Variants in TAF3 observed in about 807,000 individuals in gnomAD.
The protein encoded by TAF3 is transcription initiation factor TFIID subunit 3.
Under a neutral mutation model 80.6 loss-of-function variants are expected in TAF3, and 7 were observed. That is an observed-to-expected ratio of 0.09 (90% CI 0.05 to 0.16). The LOEUF (loss-of-function observed/expected upper bound fraction) is 0.16. TAF3 is among the 10% of genes least tolerant of loss of function. The pLI is 1.00. For missense variants in TAF3, 921 were observed against 1,140.2 expected (o/e 0.81, Z 2.77); for synonymous variants, 444 against 446.1 (o/e 1.00, Z 0.06).
In TAF3 at chr10:7,867,790, A is replaced by G. The variant is rs368987308; in HGVS notation, c.409+43230A>G. 1.4e-4 allele frequency among the ~76,000 whole-genome samples: 22 copies of G among 152,238 alleles called. No homozygotes were observed. In the East Asian group the frequency reaches 4.2e-3, roughly 29 times the overall value. On this transcript the variant is annotated intron_variant, in intron 2 of 6. Coordinates refer to ENST00000344293, the MANE Select transcript of TAF3 (RefSeq NM_031923.4). ...AACAATATGGGAGTTGGGGGCACAG[A>G]CCCCTGTGCAGAAATTCATGTGTAA... is the stretch of plus-strand genomic sequence containing the variant.
chr10:7,994,810 A>T (rs1397805275), intron 4 of TAF3, among the ~76,000 whole-genome samples: 1 of 53,256 alleles, frequency 1.9e-5, no homozygotes, highest in African/African-American at 5.2e-5. Context: ...TAAAAATACC[A>T]AAAAAAAAAA....
chr10:7,985,780 CTTT>C (rs71477297), intron 4 of TAF3, among the ~76,000 whole-genome samples: 14 of 107,980 alleles, frequency 1.3e-4, no homozygotes, highest in African/African-American at 3.4e-4. Flanking sequence ...TTCTCTCTCT[CTTT>C]TTTTTTTTTT....
At chr10:7,872,996 T>C (rs1227867706) in intron 2 of TAF3, among the ~76,000 whole-genome samples, 1 of 152,120 alleles carries the variant, frequency 6.6e-6, no homozygotes, top group Non-Finnish European at 1.5e-5. Context: ...AATCCCAAAG[T>C]CTCTATAAGT....
intron 1 of TAF3, among the ~76,000 whole-genome samples, chr10:7,822,310 G>A (rs1436175863): frequency 6.6e-6 from 1 of 151,760 alleles, no homozygotes; most frequent in East Asian, 1.9e-4. Flanking sequence ...GTTTTGGTTT[G>A]AGGCTGCAAA....
chr10:7,873,624 C>CG (rs534485372), intron 2 of TAF3, among the ~76,000 whole-genome samples: 2 of 143,648 alleles, frequency 1.4e-5, no homozygotes, highest in South Asian at 2.2e-4. Flanking sequence ...TTCTCCCCCC[C>CG]CCCCCGTCAA....
intron 2 of TAF3, among the ~76,000 whole-genome samples, chr10:7,836,656 A>G (rs1201866823): frequency 6.6e-6 from 1 of 152,210 alleles, no homozygotes; most frequent in Non-Finnish European, 1.5e-5. Flanking sequence ...CACCTAAGCT[A>G]GAAACATGAG....
chr10:7,914,188 A>C (rs1837683673), intron 2 of TAF3, among the ~76,000 whole-genome samples: 1 of 152,216 alleles, frequency 6.6e-6, no homozygotes, highest in Non-Finnish European at 1.5e-5. Context: ...GTGGTTATAC[A>C]TATTCTTAAA....
chr10:7,975,147 C>T, intron 3 of TAF3: 1 of 248,182 alleles, frequency 4.0e-6, no homozygotes, highest in Non-Finnish European at 8.1e-6. Flanking sequence ...TGTAAATAAG[C>T]AGATGATAGA....
intron 2 of TAF3, among the ~76,000 whole-genome samples, chr10:7,896,317 C>T (rs548925399): frequency 2.0e-4 from 30 of 152,276 alleles, no homozygotes; most frequent in Non-Finnish European, 4.0e-4. Context: ...TTGCCAGAAC[C>T]GTTTTCATTC....
rs1447766377 is a variant in TAF3 at position 7,865,141 on chromosome 10, G to A, written c.409+40581G>A. 2.0e-5 allele frequency among the ~76,000 whole-genome samples: 3 copies of A among 152,168 alleles called. No homozygotes were observed. The South Asian group carries it at 6.2e-4, about 32-fold the overall frequency. On this transcript the variant is annotated intron_variant, in intron 2 of 6. Coordinates refer to ENST00000344293, the MANE Select transcript of TAF3 (RefSeq NM_031923.4). The stretch of plus-strand genomic sequence containing the variant: ...AGTGAGTGGGGCCTGGGGGTCAGGA[G>A]CTTCAGGAGTGGAGAGGGCAGGGAA...
intron 2 of TAF3, among the ~76,000 whole-genome samples, chr10:7,949,046 T>C (rs1204867732): frequency 6.6e-6 from 1 of 152,188 alleles, no homozygotes; most frequent in Non-Finnish European, 1.5e-5. Context: ...TGACAGCCGC[T>C]CTCGGGTCAA....
chr10:7,965,444 A>T lies in TAF3; in HGVS notation c.1934A>T (p.Asp645Val). The T allele has an allele frequency of 6.2e-7, 1 of 1,613,626 alleles. No homozygotes were observed. Among genetic ancestry groups the T allele is most frequent in the Non-Finnish European group, 8.5e-7 (1 of 1,179,924 alleles). Residue 645 changes from aspartate (D) to valine (V), a missense_variant, in exon 3 of 7, where the codon GAT becomes GTT. Physicochemically the swap from Asp to Val is radical, Grantham distance 152. Transcript: ENST00000344293. ...AAAGTGAAAGATAAAGGCAGAGAAGATAAGATGAAAGCCCCAGCACCCCCA... is the reference window on the plus strand; with the variant it reads ...AAAGTGAAAGATAAAGGCAGAGAAGTTAAGATGAAAGCCCCAGCACCCCCA... ...KEKVKDKGRE[D>V]KMKAPAPPLV...
intron 2 of TAF3, among the ~76,000 whole-genome samples, chr10:7,897,873 C>G (rs2131168604): frequency 6.6e-6 from 1 of 152,142 alleles, no homozygotes; most frequent in Admixed American, 6.5e-5. Flanking sequence ...GGTGCCCAGG[C>G]TGGTTTTCAA....
intron 2 of TAF3, among the ~76,000 whole-genome samples, chr10:7,924,858 A>G (rs1837800290): frequency 6.6e-6 from 1 of 152,086 alleles, no homozygotes; most frequent in Non-Finnish European, 1.5e-5. Context: ...TCACACAAAC[A>G]TGTTCATATC....
At chr10:7,833,884 G>T in intron 2 of TAF3, 1 of 821,290 alleles carries the variant, frequency 1.2e-6, no homozygotes, top group South Asian at 4.1e-5. Context: ...AGTTTGGAGC[G>T]GTACCCCTTC....
At chr10:7,963,777 G>A in intron 2 of TAF3, 143 bp from the exon 3 acceptor site, 5 of 802,182 alleles carry the variant, frequency 6.2e-6, no homozygotes, top group Non-Finnish European at 9.3e-6. Context: ...CCTGCATGTT[G>A]TGCCCATGTA....
chr10:8,015,224 T>C lies in TAF3; in HGVS notation c.*473T>C, dbSNP rs1453631046. 2 of 152,384 alleles carry C rather than the reference T, an allele frequency of 1.3e-5. No homozygotes were observed. The highest frequency in any genetic ancestry group is 2.4e-5 in the African/African-American group (1 of 41,442). 9.4% of individuals were successfully genotyped at this position (152,384 alleles called of 1,614,324 possible). ...AGAATAACATAAAAGAAAACTCCAG[T>C]TGGAGTACCGGTAAATATTTTTGTG... On this transcript the variant is annotated 3_prime_UTR_variant, in exon 7 of 7. Transcript: ENST00000344293.
chr10:7,999,200 T>A (rs1347398736), intron 4 of TAF3, among the ~76,000 whole-genome samples: 1 of 152,152 alleles, frequency 6.6e-6, no homozygotes, highest in Non-Finnish European at 1.5e-5. Context: ...ACTGCAGTAG[T>A]AGGTATTCTA....
rs145664339 is a variant in TAF3 at position 8,000,219 on chromosome 10, C to T, written c.2316-8859C>T. The stretch of plus-strand genomic sequence containing the variant: ...ATCTCAGCTCACTCCTGGGTTCAAG[C>T]GATTCTCTAGCCTCAGCCTCCTGAG... On this transcript the variant is annotated intron_variant, in intron 4 of 6. Transcript: ENST00000344293. Among the ~76,000 whole-genome samples, 572 of 152,130 alleles carry T rather than the reference C, an allele frequency of 3.8e-3. 3 individuals carry two copies. Among genetic ancestry groups the T allele is most frequent in the African/African-American group, 0.012 (506 of 41,522 alleles).
Sources: allele counts gnomAD v4.1 joint callset (sites outside exome capture counted in the v4.1 genomes callset), GRCh38; gene constraint gnomAD v4.1.1; transcripts MANE v1.5; gene names NCBI Gene and HGNC (gene_info 2026-07-23, HGNC 2026-07-21).